NBPF15: variants seen among roughly 807,000 people sequenced by gnomAD.
NBPF15 encodes NBPF family member NBPF15.
NBPF15 carries 74 observed loss-of-function variants against 62.2 expected under a neutral mutation model. The observed-to-expected ratio is 1.19, with a 90% CI of 0.99 to 1.44. NBPF15 has a LOEUF of 1.44. Among genes scored for constraint, NBPF15 ranks in the 40% most tolerant of loss-of-function variants. NBPF15 has a pLI of 0.00. For missense variants in NBPF15, 790 were observed against 550.0 expected (o/e 1.44, Z -4.36); for synonymous variants, 244 against 209.7 (o/e 1.16, Z -1.41).
rs1226110548 is a variant in NBPF15, at chr1:144,439,763, TAGTGTCTC to T, written c.175+58_175+65del. 5.9e-6 allele frequency: 7 copies of T among 1,194,916 alleles called. No homozygotes were observed. The Admixed American group carries it at 1.2e-4, about 20-fold the overall frequency. 74.0% of individuals were successfully genotyped at this position (1,194,916 alleles called of 1,614,324 possible). ...AATTATTTTTGATGGAGAGAGCATT[TAGTGTCTC>T]AGAGAGAAGACAGGACATCATTCAT... On this transcript the variant is annotated intron_variant, in intron 8 of 21. Coordinates refer to ENST00000581897, the MANE Select transcript of NBPF15 (RefSeq NM_001385408.1).
At chr1:144,438,303 G>A (rs1269092568) in intron 8 of NBPF15, among the ~76,000 whole-genome samples, 1 of 150,696 alleles carries the variant, frequency 6.6e-6, no homozygotes, top group Non-Finnish European at 1.5e-5. Flanking sequence ...ACAACAAAGT[G>A]GAGTCAGAAT....
chr1:144,452,516 G>A (rs1161221056), intron 4 of NBPF15, among the ~76,000 whole-genome samples: 2 of 151,420 alleles, frequency 1.3e-5, no homozygotes, highest in Non-Finnish European at 2.9e-5. Flanking sequence ...CCAGGGATTA[G>A]GAAATGACTA....
rs1379469066 is a variant in NBPF15 at position 144,423,350 on chromosome 1, G to T, written c.1770-94C>A. The stretch of plus-strand genomic sequence containing the variant: ...CAGAAGTAATATAAGGAAGTGGTTA[G>T]AAAAGAAAAAGGATAGATTCATTAA... On this transcript the variant is annotated intron_variant, in intron 21 of 21. Coordinates refer to ENST00000581897, the MANE Select transcript of NBPF15 (RefSeq NM_001385408.1). The T allele has an allele frequency of 4.4e-6, 7 of 1,598,992 alleles. No individual in the cohort carries two copies. The East Asian group carries it at 1.1e-4, about 26-fold the overall frequency.
intron 6 of NBPF15, among the ~76,000 whole-genome samples, chr1:144,443,532 G>A (rs1306528702): frequency 6.6e-6 from 1 of 151,622 alleles, no homozygotes; most frequent in South Asian, 2.1e-4. Flanking sequence ...GATGTAATAT[G>A]CTAACAAAAT....
In NBPF15 at chr1:144,429,702, CCT is replaced by C. The variant is rs1213996278; in HGVS notation, c.984_985del (p.Ile328MetfsTer27). ...CACCTTCACAATGGAGTACTCACTG[CCT>C]ATGTCAACAGCCATGCAGACTTGCT... is the stretch of plus-strand genomic sequence containing the variant. On this transcript the variant is annotated frameshift_variant, in exon 14 of 22. Coordinates refer to ENST00000581897, the MANE Select transcript of NBPF15 (RefSeq NM_001385408.1). LOFTEE classifies it high-confidence loss of function. 1 of 599,564 alleles carries C rather than the reference CCT, an allele frequency of 1.7e-6. No homozygotes were observed. Among genetic ancestry groups the C allele is most frequent in the African/African-American group, 2.1e-5 (1 of 46,622 alleles). The allele number at this position is 599,564 out of a possible 1,614,324, so 37.1% of individuals were successfully genotyped here.
intron 8 of NBPF15, among the ~76,000 whole-genome samples, chr1:144,439,373 C>T (rs1189910760): frequency 6.6e-6 from 1 of 152,038 alleles, no homozygotes; most frequent in Non-Finnish European, 1.5e-5. Flanking sequence ...CAGGTACTGG[C>T]TACTATCACC....
chr1:144,448,139 A>G lies in NBPF15; in HGVS notation c.-191+636T>C, dbSNP rs587608937. Among the ~76,000 whole-genome samples, 458 of 152,114 alleles carry G rather than the reference A, an allele frequency of 3.0e-3. 8 individuals are homozygous for G. Among genetic ancestry groups the G allele is most frequent in the Admixed American group, 5.6e-3 (85 of 15,288 alleles). ...AAATTCTTCACCACAACAATCTCCA[A>G]TGAATTGTGGGCACAGAAGGCAGAC... is the stretch of plus-strand genomic sequence containing the variant. On this transcript the variant is annotated intron_variant, in intron 6 of 21. Coordinates refer to ENST00000581897, the MANE Select transcript of NBPF15 (RefSeq NM_001385408.1).
chr1:144,439,866 T>A lies in NBPF15; in HGVS notation c.138A>T (p.Gln46His). Residue 46 changes from glutamine to histidine, a missense_variant, in exon 8 of 22, where the codon CAA becomes CAT. Transcript: ENST00000581897. ...RNLKEKCFLTQLAGFLANRQK... is the reference protein window; with the variant it reads ...RNLKEKCFLTHLAGFLANRQK... ...GTCGGTTGGCCAGGAAGCCGGCCAGTTGAGTTAGAAAACATTTCTCTTTGA... is the reference window on the plus strand; with the variant it reads ...GTCGGTTGGCCAGGAAGCCGGCCAGATGAGTTAGAAAACATTTCTCTTTGA... 1 of 1,610,210 alleles carries A rather than the reference T, an allele frequency of 6.2e-7. No individual in the cohort carries two copies. Among genetic ancestry groups the A allele is most frequent in the Non-Finnish European group, 8.5e-7 (1 of 1,178,740 alleles).
intron 6 of NBPF15, among the ~76,000 whole-genome samples, chr1:144,444,441 T>G (rs1448267839): frequency 6.6e-6 from 1 of 151,570 alleles, no homozygotes; most frequent in Non-Finnish European, 1.5e-5. Flanking sequence ...CTGAAGAAAC[T>G]CCCCAGGCCT....
chr1:144,438,602 T>C (rs1353028393), intron 8 of NBPF15, among the ~76,000 whole-genome samples: 4 of 152,046 alleles, frequency 2.6e-5, no homozygotes, highest in Non-Finnish European at 4.4e-5. Flanking sequence ...GAAGGAAATA[T>C]GCCCAAATGC....
chr1:144,440,114 T>C, intron 7 of NBPF15, 27 bp downstream of exon 7: 3 of 1,579,320 alleles, frequency 1.9e-6, no homozygotes, highest in South Asian at 1.1e-5. Flanking sequence ...GACTGAGGGA[T>C]GTAAGTAACT....
chr1:144,431,105 T>A (rs2101867189), intron 13 of NBPF15, among the ~76,000 whole-genome samples: 1 of 151,724 alleles, frequency 6.6e-6, no homozygotes, highest in Non-Finnish European at 1.5e-5. Flanking sequence ...TTGATTGGTG[T>A]ACTGAAAGTG....
chr1:144,429,411 G>A (rs1210595042), intron 14 of NBPF15, among the ~76,000 whole-genome samples: 5 of 151,398 alleles, frequency 3.3e-5, no homozygotes, highest in Non-Finnish European at 5.9e-5. Flanking sequence ...GGCATGTGCT[G>A]CATAGTTTGG....
Position 144,439,924 on chromosome 1 carries a change from T to G in NBPF15, c.80A>C (p.Gln27Pro). 1.9e-6 allele frequency: 3 copies of G among 1,611,562 alleles called. No homozygotes were observed. The highest frequency in any genetic ancestry group is 2.5e-6 in the Non-Finnish European group (3 of 1,179,256). The change falls in exon 8 of 22, where the codon CAG becomes CCG. Residue 27 changes from glutamine (Q) to proline (P), a missense_variant. Physicochemically the swap from Gln to Pro is moderately conservative, Grantham distance 76 (BLOSUM62 -1). Transcript: ENST00000581897. Reference protein sequence around the residue: ...ILEINEKLRPQLAEKKQQFRN... With the variant: ...ILEINEKLRPPLAEKKQQFRN... ...GAACTGCTGTTTCTTCTCTGCCAACTGGGGGCGCAATTTCTCATTGATTTC... is the reference window on the plus strand; with the variant it reads ...GAACTGCTGTTTCTTCTCTGCCAACGGGGGGCGCAATTTCTCATTGATTTC...
At position 144,429,745 on chromosome 1, in the gene NBPF15, G is replaced by A. The variant is rs1405401734; in HGVS notation, c.943C>T (p.His315Tyr). 1.6e-6 allele frequency: 1 copy of A among 638,496 alleles called. No individual in the cohort carries two copies. Among genetic ancestry groups the A allele is most frequent in the Non-Finnish European group, 2.7e-6 (1 of 374,342 alleles). 39.6% of individuals were successfully genotyped at this position (638,496 alleles called of 1,614,324 possible). A position where few individuals can be genotyped will look rare whatever the true frequency, so the allele number is the denominator to read the frequency against. Reference sequence around the variant, plus strand: ...CAGACTTGCTGTTCCTCTAATGAGTGAAATGTGCTGCTGTAAGACTGGTAC... The same window carrying A: ...CAGACTTGCTGTTCCTCTAATGAGTAAAATGTGCTGCTGTAAGACTGGTAC... ...ASYQSYSSTF[H>Y]SLEEQQVCMA... The change falls in exon 14 of 22, where the codon CAC becomes TAC. Residue 315 changes from histidine (H) to tyrosine (Y), a missense_variant. Transcript: ENST00000581897.
chr1:144,426,525 C>T (rs1356325826), intron 17 of NBPF15, 75 bp from the exon 18 acceptor site: 20 of 767,974 alleles, frequency 2.6e-5, no homozygotes, highest in Middle Eastern at 3.5e-4. Flanking sequence ...GATTTCATGG[C>T]TAACATAAGG....
rs1197496484 is a variant in NBPF15 at position 144,461,515 on chromosome 1, C to T, written c.-1072G>A. The T allele has an allele frequency of 3.3e-5, 5 of 153,012 alleles. No individual in the cohort carries two copies. The highest frequency in any genetic ancestry group is 7.3e-5 in the Non-Finnish European group (5 of 68,822). The allele number at this position is 153,012 out of a possible 1,614,324, so 9.5% of individuals were successfully genotyped here. On this transcript the variant is annotated 5_prime_UTR_variant, in exon 1 of 22. Transcript: ENST00000581897. The stretch of plus-strand genomic sequence containing the variant: ...TCCTGGCGCCACAGGTCGCCCGTCC[C>T]GCGTTCCCAAAAGCACCGCGTTCAC...
intron 6 of NBPF15, among the ~76,000 whole-genome samples, chr1:144,440,789 A>G (rs1339852963): frequency 6.6e-6 from 1 of 150,518 alleles, no homozygotes; most frequent in Non-Finnish European, 1.5e-5. Flanking sequence ...AGTAGTTGGG[A>G]ATACAGGCGC....
intron 2 of NBPF15, among the ~76,000 whole-genome samples, chr1:144,459,726 T>C (rs1377406953): frequency 5.3e-5 from 8 of 151,596 alleles, no homozygotes; most frequent in Non-Finnish European, 1.0e-4. Flanking sequence ...CAATAAAAGA[T>C]ACTCAATCTC....
Sources: allele counts gnomAD v4.1 joint callset (sites outside exome capture counted in the v4.1 genomes callset), GRCh38; gene constraint gnomAD v4.1.1; transcripts MANE v1.5; gene names NCBI Gene and HGNC (gene_info 2026-07-23, HGNC 2026-07-21).